The following RIMBP2 variants were observed in gnomAD, a reference collection of about 807,000 sequenced individuals.
RIMBP2 encodes the protein RIMS binding protein 2, also known as RIMS-binding protein 2.
RIMBP2 carries 48 observed loss-of-function variants against 118.6 expected under a neutral mutation model. That is an observed-to-expected ratio of 0.40 (90% CI 0.32 to 0.51). The LOEUF (loss-of-function observed/expected upper bound fraction) is 0.51, where lower values mean the gene tolerates loss of function less well. RIMBP2 is among the 20% of genes least tolerant of loss of function. The pLI is 0.41. For synonymous variants in RIMBP2, 762 were observed against 742.9 expected (o/e 1.03, Z -0.42); for missense variants, 1,551 against 1,768.3 (o/e 0.88, Z 2.20).
intron 1 of RIMBP2, among the ~76,000 whole-genome samples, chr12:130,647,647 C>G (rs1342977584): frequency 6.9e-6 from 1 of 145,296 alleles, no homozygotes; most frequent in Non-Finnish European, 1.6e-5. Flanking sequence ...TTCTTTTCTG[C>G]TGACCCTAAA....
At chr12:130,553,759 A>C (rs11060992) in intron 2 of RIMBP2, among the ~76,000 whole-genome samples, 4 of 152,124 alleles carry the variant, frequency 2.6e-5, no homozygotes, top group Non-Finnish European at 5.9e-5. Context: ...AAATTAATAG[A>C]TTCATTAAAT....
intron 4 of RIMBP2, among the ~76,000 whole-genome samples, chr12:130,480,565 A>G (rs961842361): frequency 6.6e-6 from 1 of 152,090 alleles, no homozygotes; most frequent in African/African-American, 2.4e-5. Context: ...TTATTATTTT[A>G]CAATTCCATT....
intron 2 of RIMBP2, among the ~76,000 whole-genome samples, chr12:130,613,283 C>T (rs2060674924): frequency 6.6e-6 from 1 of 152,200 alleles, no homozygotes; most frequent in Non-Finnish European, 1.5e-5. Context: ...GGAGCTGCGA[C>T]CGCCCCGCCA....
intron 4 of RIMBP2, among the ~76,000 whole-genome samples, chr12:130,501,421 G>A (rs554072012): frequency 6.6e-6 from 1 of 152,168 alleles, no homozygotes; most frequent in Non-Finnish European, 1.5e-5. Context: ...ATCTGAGGTA[G>A]GAGGGTAAGA....
intron 21 of RIMBP2, among the ~76,000 whole-genome samples, chr12:130,401,771 C>A (rs1429278151): frequency 6.6e-6 from 1 of 152,102 alleles, no homozygotes; most frequent in Non-Finnish European, 1.5e-5. Context: ...TCAAGTCCCC[C>A]CTCATTAGGT....
chr12:130,712,465 C>A (rs1349699803), intron 1 of RIMBP2, among the ~76,000 whole-genome samples: 1 of 152,110 alleles, frequency 6.6e-6, no homozygotes, highest in Non-Finnish European at 1.5e-5. Flanking sequence ...CTAGGCCTCC[C>A]CGGGGCCAGC....
chr12:130,702,053 C>G (rs189693308), intron 1 of RIMBP2, among the ~76,000 whole-genome samples: 1 of 152,108 alleles, frequency 6.6e-6, no homozygotes, highest in Admixed American at 6.5e-5. Context: ...TAATCCAGTA[C>G]GAGGATGAGC....
chr12:130,453,506 AAGG>A (rs1468239301), intron 7 of RIMBP2, among the ~76,000 whole-genome samples: 1 of 152,244 alleles, frequency 6.6e-6, no homozygotes, highest in Non-Finnish European at 1.5e-5. Flanking sequence ...GGCCTCAGGA[AAGG>A]AGGACACCTG....
At chr12:130,648,588 AT>A (rs1466477039) in intron 1 of RIMBP2, among the ~76,000 whole-genome samples, 5 of 145,346 alleles carry the variant, frequency 3.4e-5, no homozygotes, top group African/African-American at 1.2e-4. Context: ...GTGCTTTAAA[AT>A]TTTTTCTACA....
At chr12:130,571,917 A>G (rs2140066126) in intron 2 of RIMBP2, among the ~76,000 whole-genome samples, 1 of 152,200 alleles carries the variant, frequency 6.6e-6, no homozygotes. Flanking sequence ...GGACACCCCT[A>G]GAGCCCCCTC....
At chr12:130,577,134 C>T (rs2058139789) in intron 2 of RIMBP2, among the ~76,000 whole-genome samples, 1 of 152,114 alleles carries the variant, frequency 6.6e-6, no homozygotes, top group South Asian at 2.1e-4. Context: ...AATCCAGTCC[C>T]CTCTATTCAC....
At chr12:130,610,180 TG>T in intron 2 of RIMBP2, among the ~76,000 whole-genome samples, 1 of 149,740 alleles carries the variant, frequency 6.7e-6, no homozygotes, top group Non-Finnish European at 1.5e-5. Context: ...CCTCCCGTTC[TG>T]GGGGAAAATG....
intron 15 of RIMBP2, 67 bp downstream of exon 15, chr12:130,428,112 A>C: frequency 1.4e-6 from 2 of 1,451,390 alleles, no homozygotes; most frequent in South Asian, 2.9e-5. Flanking sequence ...CACCAGCCCC[A>C]GCAAAGGGAC....
intron 2 of RIMBP2, among the ~76,000 whole-genome samples, chr12:130,612,587 A>C (rs1207679641): frequency 3.9e-5 from 6 of 152,196 alleles, no homozygotes; most frequent in African/African-American, 1.2e-4. Context: ...TGTTTTTTAA[A>C]ATAATTAAAA....
Position 130,637,963 on chromosome 12 carries a change from T to C in RIMBP2, c.-351-9507A>G, listed in dbSNP as rs1017928816. ...TAGACAGTTGGGAAAATCAGCCTTC[T>C]TGGAATGCAAACTTAATGACCATGG... is the stretch of plus-strand genomic sequence containing the variant. On this transcript the variant is annotated intron_variant, in intron 1 of 22. Coordinates refer to ENST00000690449, the MANE Select transcript of RIMBP2 (RefSeq NM_001393629.1). Among the ~76,000 whole-genome samples the C allele has an allele frequency of 4.1e-5, 3 of 73,334 alleles. No homozygotes were observed. In the Admixed American group the frequency reaches 5.0e-4, roughly 12 times the overall value. The allele number at this position is 73,334 out of a possible 152,430, so 48.1% of individuals were successfully genotyped here. A position where few individuals can be genotyped will look rare whatever the true frequency, so the allele number is the denominator to read the frequency against.
At chr12:130,636,837 G>T (rs2062373081) in intron 1 of RIMBP2, among the ~76,000 whole-genome samples, 1 of 152,142 alleles carries the variant, frequency 6.6e-6, no homozygotes, top group Non-Finnish European at 1.5e-5. Context: ...CCTACAGCTG[G>T]GTTTTTCAGT....
intron 2 of RIMBP2, among the ~76,000 whole-genome samples, chr12:130,556,929 G>A (rs1302624796): frequency 6.6e-6 from 1 of 152,132 alleles, no homozygotes; most frequent in Admixed American, 6.5e-5. Flanking sequence ...TCGGCTTCTT[G>A]ATCTAAACAA....
chr12:130,514,967 C>T (rs2051293349), intron 3 of RIMBP2, among the ~76,000 whole-genome samples: 1 of 152,124 alleles, frequency 6.6e-6, no homozygotes, highest in Non-Finnish European at 1.5e-5. Context: ...AGCTCTGCCT[C>T]CCGGGTTCAT....
chr12:130,501,274 CTGCT>C (rs201326381), intron 4 of RIMBP2, among the ~76,000 whole-genome samples: 1,657 of 152,276 alleles, frequency 0.011, 28 homozygotes, highest in African/African-American at 0.038. Context: ...AGTGGGGTCC[CTGCT>C]TCCACTCCTG....
Sources: allele counts gnomAD v4.1 joint callset (sites outside exome capture counted in the v4.1 genomes callset), GRCh38; gene constraint gnomAD v4.1.1; transcripts MANE v1.5; gene names NCBI Gene and HGNC (gene_info 2026-07-23, HGNC 2026-07-21).